The following LRIG1 variants were observed in gnomAD, a reference collection of about 807,000 sequenced individuals.
The protein encoded by LRIG1 is leucine-rich repeats and immunoglobulin-like domains protein 1.
A neutral mutation model predicts 99.2 loss-of-function variants in LRIG1; 48 were observed. That is an observed-to-expected ratio of 0.48 (90% CI 0.38 to 0.62). The LOEUF is 0.62. Ranked by LOEUF, LRIG1 falls within the 20% of genes least tolerant of loss-of-function variation. The pLI is 0.00. For missense variants in LRIG1, 1,646 were observed against 1,434.4 expected, an observed-to-expected ratio of 1.15 and a Z score of -2.38; for synonymous variants, 772 against 596.1, an observed-to-expected ratio of 1.29 and a Z score of -4.30.
At chr3:66,385,621 T>G (rs1022596091) in intron 13 of LRIG1, among the ~76,000 whole-genome samples, 1 of 152,046 alleles carries the variant, frequency 6.6e-6, no homozygotes, top group African/African-American at 2.4e-5. Flanking sequence ...CCTGGCTAAT[T>G]TTTGTATTTT....
intron 1 of LRIG1, among the ~76,000 whole-genome samples, chr3:66,484,674 G>A (rs953375695): frequency 6.6e-6 from 1 of 152,120 alleles, no homozygotes; most frequent in Non-Finnish European, 1.5e-5. Flanking sequence ...TAAGAAGCGC[G>A]ATGAGGGGCA....
At chr3:66,413,141 C>A in intron 5 of LRIG1, 127 bp from the exon 6 acceptor site, 1 of 1,082,008 alleles carries the variant, frequency 9.2e-7, no homozygotes, top group South Asian at 1.5e-5. Flanking sequence ...CCCTGGGAAG[C>A]CAGGATGTGT....
At chr3:66,419,260 T>G (rs1250046093) in intron 3 of LRIG1, among the ~76,000 whole-genome samples, 2 of 152,164 alleles carry the variant, frequency 1.3e-5, no homozygotes, top group African/African-American at 4.8e-5. Context: ...TCTCCCCACC[T>G]CCTCCTCTGT....
chr3:66,451,739 C>A, intron 2 of LRIG1, 106 bp from the exon 3 acceptor site: 3 of 781,704 alleles, frequency 3.8e-6, no homozygotes, highest in East Asian at 2.8e-5. Flanking sequence ...CACAGTAAAC[C>A]TATATTCTAA....
chr3:66,388,863 G>C lies in LRIG1; in HGVS notation c.1469-2562C>G, dbSNP rs566901784. Among the ~76,000 whole-genome samples the C allele has an allele frequency of 3.9e-5, 6 of 152,268 alleles. No individual in the cohort carries two copies. The South Asian group carries it at 1.2e-3, about 32-fold the overall frequency. Reference sequence around the variant, plus strand: ...CCTGCCCCACAAGAAATCCAGGAGAGTATTTAGTATGGCTGAAATGAAAGG... The same window carrying C: ...CCTGCCCCACAAGAAATCCAGGAGACTATTTAGTATGGCTGAAATGAAAGG... On this transcript the variant is annotated intron_variant, in intron 12 of 18. Coordinates refer to ENST00000273261, the MANE Select transcript of LRIG1 (RefSeq NM_015541.3).
intron 4 of LRIG1, among the ~76,000 whole-genome samples, chr3:66,415,385 G>A (rs1702590473): frequency 6.6e-6 from 1 of 152,138 alleles, no homozygotes; most frequent in Non-Finnish European, 1.5e-5. Context: ...CCTGCGTCAG[G>A]AGCCACCTGC....
At chr3:66,415,202 T>G in intron 4 of LRIG1, 139 bp from the exon 5 acceptor site, 5 of 821,316 alleles carry the variant, frequency 6.1e-6, no homozygotes, top group Non-Finnish European at 9.1e-6. Flanking sequence ...GAGATGTTTA[T>G]CAGCCACAGG....
At chr3:66,396,025 T>A (rs1215362292) in intron 11 of LRIG1, among the ~76,000 whole-genome samples, 2 of 152,184 alleles carry the variant, frequency 1.3e-5, no homozygotes, top group Non-Finnish European at 2.9e-5. Context: ...GGAAAACAAA[T>A]TTGACATTTA....
At chr3:66,407,776 G>A (rs915761497) in intron 7 of LRIG1, among the ~76,000 whole-genome samples, 1 of 152,240 alleles carries the variant, frequency 6.6e-6, no homozygotes, top group African/African-American at 2.4e-5. Context: ...CTACACACGA[G>A]GTCATGACAC....
At chr3:66,469,063 A>C (rs910784593) in intron 1 of LRIG1, 14 of 152,244 alleles carry the variant, frequency 9.2e-5, no homozygotes, top group African/African-American at 3.4e-4. Flanking sequence ...TTAAAGGCTT[A>C]TATTAAGATG....
intron 1 of LRIG1, among the ~76,000 whole-genome samples, chr3:66,464,253 T>C (rs1700421041): frequency 6.6e-6 from 1 of 152,132 alleles, no homozygotes; most frequent in South Asian, 2.1e-4. Context: ...TAACAGGAGT[T>C]GTGAAGCAGG....
intron 1 of LRIG1, among the ~76,000 whole-genome samples, chr3:66,496,502 T>C (rs1296974899): frequency 6.6e-6 from 1 of 152,190 alleles, no homozygotes; most frequent in East Asian, 1.9e-4. Flanking sequence ...GGAAGACACT[T>C]GTTGCAAAAG....
chr3:66,412,797 A>G lies in LRIG1; in HGVS notation c.791+74T>C, dbSNP rs548421508. 125 of 1,395,242 alleles carry G rather than the reference A, an allele frequency of 9.0e-5. 1 individual carries two copies. Among genetic ancestry groups the G allele is most frequent in the Admixed American group, 4.1e-4 (22 of 53,354 alleles). The allele number at this position is 1,395,242 out of a possible 1,614,324, so 86.4% of individuals were successfully genotyped here. Reference sequence around the variant, plus strand: ...GGTGTTGGTGCGCACATGCATGCGCACACACACACACGCCACATCACACCA... The same window carrying G: ...GGTGTTGGTGCGCACATGCATGCGCGCACACACACACGCCACATCACACCA... On this transcript the variant is annotated intron_variant, in intron 6 of 18. Transcript: ENST00000273261.
intron 1 of LRIG1, among the ~76,000 whole-genome samples, chr3:66,483,004 A>T (rs1306946017): frequency 6.6e-6 from 1 of 152,122 alleles, no homozygotes; most frequent in East Asian, 1.9e-4. Flanking sequence ...GTCACCAGAA[A>T]ATCAAAAGTA....
intron 12 of LRIG1, among the ~76,000 whole-genome samples, chr3:66,390,449 T>C (rs966125355): frequency 4.6e-5 from 7 of 152,184 alleles, no homozygotes; most frequent in Non-Finnish European, 1.0e-4. Context: ...AAAACATGAC[T>C]GAAAGAAATT....
intron 3 of LRIG1, among the ~76,000 whole-genome samples, chr3:66,422,093 C>G (rs1054692140): frequency 2.6e-5 from 4 of 152,194 alleles, no homozygotes; most frequent in African/African-American, 9.7e-5. Flanking sequence ...TGAGCCTGCC[C>G]CACGAAACCA....
Position 66,386,197 on chromosome 3 carries a change from G to C in LRIG1, c.1573C>G (p.Pro525Ala), listed in dbSNP as rs2107939508. The change falls in exon 13 of 19, where the codon CCC (proline) becomes GCC (alanine). Residue 525 changes from proline to alanine, a missense_variant. Physicochemically the swap from Pro to Ala is conservative, Grantham distance 27. Transcript: ENST00000273261. Reference protein sequence around the residue: ...TCSAASSSSSPMTFAWKKDNE... With the variant: ...TCSAASSSSSAMTFAWKKDNE... ...TCTTTCTTCCAGGCAAAGGTCATGG[G>C]GGAGCTGCTGCTGCTGGCTGCTGAG... 6.2e-7 allele frequency: 1 copy of C among 1,614,126 alleles called. No homozygotes were observed. Among genetic ancestry groups the C allele is most frequent in the Non-Finnish European group, 8.5e-7 (1 of 1,180,026 alleles).
intron 1 of LRIG1, among the ~76,000 whole-genome samples, chr3:66,464,505 T>TAA (rs67690348): frequency 0.044 from 6,454 of 145,040 alleles, 147 homozygotes; most frequent in Middle Eastern, 0.13. Context: ...CTTTATTACT[T>TAA]AAAAAAAAAA....
chr3:66,382,583 C>A (rs1260701172), intron 15 of LRIG1, among the ~76,000 whole-genome samples, 185 bp from the exon 16 acceptor site: 1 of 152,196 alleles, frequency 6.6e-6, no homozygotes, highest in Non-Finnish European at 1.5e-5. Flanking sequence ...ACTCTACACC[C>A]AGCGTGAAGA....
Sources: gnomAD v4.1 joint callset for allele counts (sites outside exome capture counted in the v4.1 genomes callset) on GRCh38, gnomAD v4.1.1 for gene constraint, MANE v1.5 for transcripts, NCBI Gene and HGNC (gene_info 2026-07-23, HGNC 2026-07-21) for gene names.